Variants in NEGR1 observed in about 807,000 individuals in gnomAD.
NEGR1 encodes IgLON family member 4.
Under a neutral mutation model 40.9 loss-of-function variants are expected in NEGR1, and 10 were observed. That is an observed-to-expected ratio of 0.24 (90% CI 0.15 to 0.42). NEGR1 has a LOEUF of 0.42. Ranked by LOEUF, NEGR1 falls within the 10% of genes least tolerant of loss-of-function variation. The pLI is 1.00. For missense variants in NEGR1, 352 were observed against 438.9 expected, an observed-to-expected ratio of 0.80 and a Z score of 1.77; for synonymous variants, 185 against 166.8, an observed-to-expected ratio of 1.11 and a Z score of -0.84.
intron 1 of NEGR1, among the ~76,000 whole-genome samples, chr1:72,109,403 G>A (rs966385303): frequency 6.6e-6 from 1 of 151,432 alleles, no homozygotes; most frequent in Non-Finnish European, 1.5e-5. Context: ...TAAGTACAAC[G>A]GACTCATACC....
chr1:71,600,760 C>G (rs1044753337), intron 5 of NEGR1, among the ~76,000 whole-genome samples: 2 of 152,164 alleles, frequency 1.3e-5, no homozygotes, highest in Admixed American at 1.3e-4. Flanking sequence ...GGACTTTATT[C>G]CAGGGACAGT....
intron 1 of NEGR1, among the ~76,000 whole-genome samples, chr1:72,156,560 T>C (rs1570053289): frequency 6.6e-6 from 1 of 152,168 alleles, no homozygotes; most frequent in Non-Finnish European, 1.5e-5. Flanking sequence ...GCATACAAAA[T>C]ATTTCTTCAA....
intron 2 of NEGR1, among the ~76,000 whole-genome samples, chr1:71,871,970 A>T (rs2101833811): frequency 6.6e-6 from 1 of 152,278 alleles, no homozygotes; most frequent in Middle Eastern, 3.4e-3. Context: ...GTTTGCATAG[A>T]ATCAAATACT....
rs751848901 is a variant in NEGR1 at position 71,698,010 on chromosome 1, T to G, written c.665A>C (p.Asn222Thr). 1 of 1,610,806 alleles carries G rather than the reference T, an allele frequency of 6.2e-7. No homozygotes were observed. Among genetic ancestry groups the G allele is most frequent in the South Asian group, 1.1e-5 (1 of 90,840 alleles). The change falls in exon 4 of 7, where the codon AAC becomes ACC. Residue 222 changes from asparagine (N) to threonine (T), a missense_variant and splice_region_variant. Coordinates refer to ENST00000357731, the MANE Select transcript of NEGR1 (RefSeq NM_173808.3). ...TGATAAAAGGTGATGACACTTACAG[T>G]TGACAACAACTTTTACTTTCCTCAC... ...PDVRKVKVVVNFAPTIQEIKS... is the reference protein window; with the variant it reads ...PDVRKVKVVVTFAPTIQEIKS...
At chr1:71,633,273 G>T (rs1028561274) in intron 4 of NEGR1, among the ~76,000 whole-genome samples, 7 of 152,042 alleles carry the variant, frequency 4.6e-5, no homozygotes, top group Admixed American at 3.9e-4. Flanking sequence ...AGATGCCACA[G>T]AAATTTTTTT....
chr1:72,030,780 T>C (rs2100438247), intron 1 of NEGR1, among the ~76,000 whole-genome samples: 1 of 152,262 alleles, frequency 6.6e-6, no homozygotes, highest in African/African-American at 2.4e-5. Flanking sequence ...CCGGATACCC[T>C]TGGAAAAGAT....
chr1:71,459,852 A>G (rs1255808621), intron 6 of NEGR1, among the ~76,000 whole-genome samples: 2 of 152,186 alleles, frequency 1.3e-5, no homozygotes, highest in Non-Finnish European at 2.9e-5. Context: ...TCCTTTGAAT[A>G]TTAGCTCAAT....
intron 6 of NEGR1, among the ~76,000 whole-genome samples, chr1:71,457,215 C>T (rs1002558168): frequency 1.3e-5 from 2 of 152,154 alleles, no homozygotes; most frequent in African/African-American, 2.4e-5. Context: ...AATCCTCCTC[C>T]GTTCTCCCCA....
intron 2 of NEGR1, among the ~76,000 whole-genome samples, chr1:71,913,551 G>T (rs1192619615): frequency 1.3e-5 from 2 of 152,024 alleles, no homozygotes; most frequent in African/African-American, 4.8e-5. Flanking sequence ...GGATGTCTCA[G>T]CCTTAGCAAT....
intron 6 of NEGR1, among the ~76,000 whole-genome samples, chr1:71,489,346 T>C (rs1482144736): frequency 6.6e-6 from 1 of 151,864 alleles, no homozygotes; most frequent in Non-Finnish European, 1.5e-5. Context: ...TTCGTGGCCC[T>C]CCAGTGTTTC....
intron 3 of NEGR1, among the ~76,000 whole-genome samples, chr1:71,751,540 C>A (rs1031559652): frequency 6.6e-6 from 1 of 152,220 alleles, no homozygotes; most frequent in South Asian, 2.1e-4. Context: ...TATTTGACAA[C>A]TTTTTTTCTC....
chr1:71,670,245 G>C (rs535501137), intron 4 of NEGR1, among the ~76,000 whole-genome samples: 9 of 152,060 alleles, frequency 5.9e-5, no homozygotes, highest in Middle Eastern at 6.8e-3. Flanking sequence ...GCTTTTTTAA[G>C]CAATTTAATG....
chr1:71,919,338 C>T (rs1262039973), intron 2 of NEGR1, among the ~76,000 whole-genome samples: 1 of 152,168 alleles, frequency 6.6e-6, no homozygotes, highest in Non-Finnish European at 1.5e-5. Context: ...TTGAAGAGGA[C>T]AGCCTCATAG....
At chr1:71,656,854 T>C (rs1651895268) in intron 4 of NEGR1, among the ~76,000 whole-genome samples, 2 of 152,106 alleles carry the variant, frequency 1.3e-5, no homozygotes, top group Admixed American at 1.3e-4. Flanking sequence ...ATGCATCTTG[T>C]TAGGCTCTGG....
chr1:71,790,952 G>A (rs2101735159), intron 2 of NEGR1, among the ~76,000 whole-genome samples: 1 of 152,108 alleles, frequency 6.6e-6, no homozygotes, highest in African/African-American at 2.4e-5. Flanking sequence ...GTTCGGGACT[G>A]GCGATAGGAC....
At chr1:71,827,532 G>A (rs1307880158) in intron 2 of NEGR1, among the ~76,000 whole-genome samples, 2 of 151,780 alleles carry the variant, frequency 1.3e-5, no homozygotes, top group African/African-American at 4.8e-5. Flanking sequence ...TACAAAAAAA[G>A]AGAAGAATAG....
intron 1 of NEGR1, among the ~76,000 whole-genome samples, chr1:72,173,980 A>C (rs936554373): frequency 2.6e-5 from 4 of 152,082 alleles, no homozygotes; most frequent in African/African-American, 9.7e-5. Flanking sequence ...TGGCAATGCT[A>C]ATAAAGTTGT....
At chr1:72,187,601 A>G (rs1652658611) in intron 1 of NEGR1, among the ~76,000 whole-genome samples, 1 of 151,398 alleles carries the variant, frequency 6.6e-6, no homozygotes, top group Non-Finnish European at 1.5e-5. Context: ...AAACAAACAA[A>G]CTACTCTAAA....
chr1:71,965,845 G>A (rs976247679), intron 1 of NEGR1, among the ~76,000 whole-genome samples: 1 of 151,964 alleles, frequency 6.6e-6, no homozygotes, highest in Admixed American at 6.6e-5. Flanking sequence ...AGCTTTATTT[G>A]ATCCTCATAA....
Sources: gnomAD v4.1 joint callset for allele counts (sites outside exome capture counted in the v4.1 genomes callset) on GRCh38, gnomAD v4.1.1 for gene constraint, MANE v1.5 for transcripts, NCBI Gene and HGNC (gene_info 2026-07-23, HGNC 2026-07-21) for gene names.